NRG4: variants seen among roughly 807,000 people sequenced by gnomAD.
NRG4 encodes pro-neuregulin-4, membrane-bound isoform.
Under a neutral mutation model 15.0 loss-of-function variants are expected in NRG4, and 10 were observed. The observed-to-expected ratio is 0.67, with a 90% CI of 0.41 to 1.13. The LOEUF is 1.13. Among genes scored for constraint, NRG4 ranks in the 50% most tolerant of loss-of-function variants. The pLI, the probability that NRG4 is intolerant of heterozygous loss-of-function variation, is 0.00. For synonymous variants in NRG4, 41 were observed against 50.1 expected (o/e 0.82, Z 0.77); for missense variants, 139 against 140.2 (o/e 0.99, Z 0.04).
chr15:75,971,298 C>T (rs1455216186), intron 3 of NRG4: 2 of 454,618 alleles, frequency 4.4e-6, no homozygotes, highest in African/African-American at 4.0e-5. Flanking sequence ...ATCTCATGAT[C>T]TCTGTAGAAG....
intron 3 of NRG4, among the ~76,000 whole-genome samples, chr15:75,996,226 C>T (rs1567099304): frequency 1.3e-5 from 2 of 152,042 alleles, no homozygotes; most frequent in Non-Finnish European, 2.9e-5. Context: ...CTCTGTAAGC[C>T]TAATCAATGT....
chr15:76,009,336 G>A (rs746695638), intron 2 of NRG4, 43 bp from the exon 3 acceptor site: 1 of 912,292 alleles, frequency 1.1e-6, no homozygotes, highest in Non-Finnish European at 1.6e-6. Context: ...GCAAATTAAA[G>A]TTTTCCTAAT....
intron 4 of NRG4, among the ~76,000 whole-genome samples, chr15:76,037,013 GTT>G (rs1171895528): frequency 2.6e-5 from 4 of 152,122 alleles, no homozygotes; most frequent in African/African-American, 9.7e-5. Flanking sequence ...AAAAAAAACT[GTT>G]TGAGCTAATA....
chr15:76,005,401 A>AG (rs2034563023), intron 3 of NRG4, among the ~76,000 whole-genome samples: 1 of 142,942 alleles, frequency 7.0e-6, no homozygotes, highest in Non-Finnish European at 1.5e-5. Context: ...AAAAAAAAAA[A>AG]GGGCCAGGTG....
chr15:75,974,965 C>G (rs951842539), intron 3 of NRG4, among the ~76,000 whole-genome samples: 5 of 152,018 alleles, frequency 3.3e-5, no homozygotes, highest in Admixed American at 3.3e-4. Flanking sequence ...AAGTCTCCCA[C>G]TATTATTGTG....
intron 3 of NRG4, among the ~76,000 whole-genome samples, chr15:75,965,586 C>G (rs2032758070): frequency 6.6e-6 from 1 of 152,148 alleles, no homozygotes; most frequent in East Asian, 1.9e-4. Context: ...GTAGGACTGG[C>G]TAACCTAAAA....
At chr15:75,944,617 T>C (rs763525570) in intron 5 of NRG4, among the ~76,000 whole-genome samples, 22 of 152,250 alleles carry the variant, frequency 1.4e-4, no homozygotes, top group African/African-American at 3.4e-4. Flanking sequence ...TTTAAAAATA[T>C]AATGTACCTT....
chr15:75,985,497 G>C (rs1021393017), intron 3 of NRG4, among the ~76,000 whole-genome samples: 2 of 152,082 alleles, frequency 1.3e-5, no homozygotes, highest in Non-Finnish European at 1.5e-5. Context: ...CTTCTGCCTC[G>C]CATATACCAA....
At chr15:75,971,990 G>A (rs2033118327) in intron 3 of NRG4, among the ~76,000 whole-genome samples, 1 of 152,172 alleles carries the variant, frequency 6.6e-6, no homozygotes, top group African/African-American at 2.4e-5. Context: ...CACAAATAGT[G>A]TAAAAGCATT....
downstream of NRG4, chr15:75,937,235 C>A (rs1595924329): frequency 1.3e-5 from 2 of 150,682 alleles, no homozygotes; most frequent in South Asian, 2.1e-4. Flanking sequence ...AGAGGCCGGG[C>A]GTGGTGGCTC....
chr15:76,014,353 T>C (rs1184516799), upstream of NRG4, among the ~76,000 whole-genome samples: 2 of 152,244 alleles, frequency 1.3e-5, no homozygotes, highest in Non-Finnish European at 2.9e-5. Context: ...TTTAATTAGA[T>C]CCCATTTGTC....
At chr15:76,047,412 C>T (rs1251978328) in intron 4 of NRG4, among the ~76,000 whole-genome samples, 4 of 150,846 alleles carry the variant, frequency 2.7e-5, no homozygotes, top group Middle Eastern at 3.2e-3. Context: ...ATAGGATATA[C>T]GTACACACTG....
At chr15:75,983,003 C>T (rs1182766946) in intron 3 of NRG4, among the ~76,000 whole-genome samples, 1 of 152,154 alleles carries the variant, frequency 6.6e-6, no homozygotes, top group Non-Finnish European at 1.5e-5. Flanking sequence ...CAAAGGAAAC[C>T]ATGCTTATCA....
chr15:76,055,422 C>G (rs1567132032), intron 2 of NRG4, among the ~76,000 whole-genome samples: 1 of 152,200 alleles, frequency 6.6e-6, no homozygotes, highest in African/African-American at 2.4e-5. Context: ...CAAGTTCTGT[C>G]TCTTCATCCT....
intron 5 of NRG4, among the ~76,000 whole-genome samples, chr15:76,031,916 A>G (rs964832161): frequency 2.0e-5 from 3 of 152,224 alleles, no homozygotes; most frequent in African/African-American, 7.2e-5. Flanking sequence ...GTAATTATTC[A>G]CAGATAAATG....
intron 3 of NRG4, among the ~76,000 whole-genome samples, chr15:75,965,308 G>A (rs2032746439): frequency 6.6e-6 from 1 of 152,170 alleles, no homozygotes; most frequent in South Asian, 2.1e-4. Flanking sequence ...TGAGTTGGAA[G>A]GAGTCAAGGG....
chr15:75,936,596 G>A (rs2030361230), downstream of NRG4: 1 of 150,876 alleles, frequency 6.6e-6, no homozygotes, highest in African/African-American at 2.4e-5. Context: ...TTTTTTTTGA[G>A]AGAGTTTTGC....
intron 3 of NRG4, among the ~76,000 whole-genome samples, chr15:75,962,669 C>T (rs2032587729): frequency 6.6e-6 from 1 of 152,082 alleles, no homozygotes; most frequent in African/African-American, 2.4e-5. Flanking sequence ...TAACAAAGAA[C>T]CATAATATTT....
At position 76,053,667 on chromosome 15, in the gene NRG4, T is replaced by C. The variant is rs142538962; in HGVS notation, c.-261-684A>G. On this transcript the variant is annotated intron_variant, in intron 2 of 8. Transcript: ENST00000563910. ...CGCCTCCTGGTTCAAGCAATTCTCC[T>C]GTCTCAGCCTCCCGAGTAGCTGGGA... 7.6e-3 allele frequency among the ~76,000 whole-genome samples: 1,150 copies of C among 150,796 alleles called. 72 individuals are homozygous for C. Among genetic ancestry groups the C allele is most frequent in the African/African-American group, 0.027 (1,084 of 40,370 alleles).
Sources: allele counts gnomAD v4.1 joint callset (sites outside exome capture counted in the v4.1 genomes callset), GRCh38; gene constraint gnomAD v4.1.1; transcripts MANE v1.5; gene names NCBI Gene and HGNC (gene_info 2026-07-23, HGNC 2026-07-21).